The following ZDHHC21 variants were observed in gnomAD, a reference collection of about 807,000 sequenced individuals.
ZDHHC21 encodes the protein zDHHC palmitoyltransferase 21.
A neutral mutation model predicts 34.6 loss-of-function variants in ZDHHC21; 15 were observed. That is an observed-to-expected ratio of 0.43 (90% CI 0.29 to 0.67). The LOEUF is 0.67. Ranked by LOEUF, ZDHHC21 falls within the 30% of genes least tolerant of loss-of-function variation. The pLI, the probability that ZDHHC21 is intolerant of heterozygous loss-of-function variation, is 0.14. For synonymous variants in ZDHHC21, 142 were observed against 101.8 expected (o/e 1.40, Z -2.38); for missense variants, 344 against 327.7 (o/e 1.05, Z -0.38).
intron 5 of ZDHHC21, among the ~76,000 whole-genome samples, chr9:14,666,736 C>T (rs1011689580): frequency 1.2e-5 from 1 of 80,332 alleles, no homozygotes; most frequent in African/African-American, 4.2e-5. Context: ...GAACAACCTG[C>T]TCCTGAATGA....
At position 14,662,301 on chromosome 9, in the gene ZDHHC21, G is replaced by C; in HGVS notation, c.279C>G (p.Asn93Lys). The C allele has an allele frequency of 6.2e-7, 1 of 1,610,570 alleles. No homozygotes were observed. Among genetic ancestry groups the C allele is most frequent in the Non-Finnish European group, 8.5e-7 (1 of 1,178,770 alleles). Residue 93 changes from asparagine to lysine, a missense_variant, in exon 6 of 10, where the codon AAC becomes AAG. Coordinates refer to ENST00000380916, the MANE Select transcript of ZDHHC21 (RefSeq NM_178566.6). ...GCTTTGGTCTCATCAAATTACACTT[G>C]TTACATAATTCCCAGAACTCCCTTT... Reference protein sequence around the residue: ...HGEREFWELCNKCNLMRPKRS... With the variant: ...HGEREFWELCKKCNLMRPKRS...
chr9:14,591,625 C>G, the ZDHHC21 span, among the ~76,000 whole-genome samples: 1 of 152,154 alleles, frequency 6.6e-6, no homozygotes, highest in African/African-American at 2.4e-5. Context: ...GTCAGCAGTT[C>G]TAAAACTGGT....
intron 5 of ZDHHC21, among the ~76,000 whole-genome samples, chr9:14,667,347 G>A (rs1272984400): frequency 6.6e-6 from 1 of 151,040 alleles, no homozygotes; most frequent in African/African-American, 2.4e-5. Context: ...CTGAAATTGT[G>A]GCAATAATCA....
chr9:14,593,924 G>C, the ZDHHC21 span: 1 of 152,350 alleles, frequency 6.6e-6, no homozygotes, highest in South Asian at 2.1e-4. Flanking sequence ...ACTGGGAGCA[G>C]GAGGGGATGT....
intron 2 of ZDHHC21, among the ~76,000 whole-genome samples, chr9:14,681,250 G>A (rs1587443858): frequency 1.3e-4 from 19 of 151,814 alleles, no homozygotes; most frequent in Admixed American, 1.1e-3. Flanking sequence ...TTTCAGACTC[G>A]GTCTCACTAT....
At chr9:14,651,256 G>A (rs1049907817) in intron 7 of ZDHHC21, among the ~76,000 whole-genome samples, 2 of 151,764 alleles carry the variant, frequency 1.3e-5, no homozygotes, top group Non-Finnish European at 2.9e-5. Flanking sequence ...GGTTCACTGA[G>A]CTTTCTCTGA....
Position 14,622,013 on chromosome 9 carries a change from T to G in ZDHHC21, c.622-2331A>C, listed in dbSNP as rs183451894. Among the ~76,000 whole-genome samples the G allele has an allele frequency of 5.0e-3, 755 of 152,164 alleles. 2 individuals carry two copies. Among genetic ancestry groups the G allele is most frequent in the African/African-American group, 0.017 (711 of 41,536 alleles). On this transcript the variant is annotated intron_variant, in intron 8 of 9. Coordinates refer to ENST00000380916, the MANE Select transcript of ZDHHC21 (RefSeq NM_178566.6). The stretch of plus-strand genomic sequence containing the variant: ...AAGGAGTTTAAATACAAAATATAAG[T>G]CCTCAGTTATATGTAAAACTCAGCT...
chr9:14,610,268 T>C (rs1823160341), downstream of ZDHHC21, among the ~76,000 whole-genome samples: 1 of 151,920 alleles, frequency 6.6e-6, no homozygotes, highest in Non-Finnish European at 1.5e-5. Flanking sequence ...TGTTGTAACT[T>C]ATCATCACTA....
At chr9:14,690,515 G>C in intron 1 of ZDHHC21, 130 bp from the exon 2 acceptor site, 1 of 373,110 alleles carries the variant, frequency 2.7e-6, no homozygotes. Flanking sequence ...CTGCCCTTTT[G>C]TAGAAGGGGC....
At chr9:14,640,068 G>T in intron 7 of ZDHHC21, 56 bp from the exon 8 acceptor site, 1 of 906,550 alleles carries the variant, frequency 1.1e-6, no homozygotes, top group Non-Finnish European at 1.7e-6. Flanking sequence ...ATTGCTTACA[G>T]TCGCAATAAT....
chr9:14,654,898 G>A (rs1426408895), intron 7 of ZDHHC21, among the ~76,000 whole-genome samples: 2 of 151,922 alleles, frequency 1.3e-5, no homozygotes, highest in African/African-American at 2.4e-5. Flanking sequence ...CATGTAAGTA[G>A]AATCCCAGAA....
At chr9:14,605,448 T>A in the ZDHHC21 span, among the ~76,000 whole-genome samples, 1 of 152,188 alleles carries the variant, frequency 6.6e-6, no homozygotes, top group Non-Finnish European at 1.5e-5. Context: ...ATGTTGAGCA[T>A]CCCTTCACGT....
intron 8 of ZDHHC21, among the ~76,000 whole-genome samples, chr9:14,621,607 T>A (rs1468192832): frequency 9.2e-5 from 14 of 152,230 alleles, no homozygotes; most frequent in Admixed American, 8.5e-4. Flanking sequence ...TTTTTTTTCC[T>A]CTAGAAATGG....
intron 8 of ZDHHC21, among the ~76,000 whole-genome samples, chr9:14,625,286 T>C (rs1170980864): frequency 6.6e-6 from 1 of 152,074 alleles, no homozygotes; most frequent in East Asian, 1.9e-4. Flanking sequence ...TTTCCTCATT[T>C]GAAATGAATG....
chr9:14,687,865 G>A (rs1017035189), intron 2 of ZDHHC21, among the ~76,000 whole-genome samples: 1 of 150,602 alleles, frequency 6.6e-6, no homozygotes, highest in Admixed American at 6.6e-5. Context: ...TTTCCACAGT[G>A]CCAAGAGAAA....
At chr9:14,673,156 T>A (rs1835783619) in intron 4 of ZDHHC21, among the ~76,000 whole-genome samples, 2 of 152,066 alleles carry the variant, frequency 1.3e-5, no homozygotes, top group South Asian at 2.1e-4. Context: ...TTATTTTACA[T>A]GATAGTAACT....
Position 14,693,269 on chromosome 9 carries a change from A to G in ZDHHC21, c.-265T>C, listed in dbSNP as rs905348608. ...GCCTCTCGCTGCCGCCGCTCTCCCG[A>G]CCGCCAGCAGCTCTTTCCCCTCCTC... On this transcript the variant is annotated 5_prime_UTR_variant, in exon 1 of 10. Transcript: ENST00000380916. 14 of 416,376 alleles carry G rather than the reference A, an allele frequency of 3.4e-5. No homozygotes were observed. The highest frequency in any genetic ancestry group is 2.3e-4 in the South Asian group (14 of 60,680). 25.8% of individuals were successfully genotyped at this position (416,376 alleles called of 1,614,324 possible).
At chr9:14,674,143 T>C in intron 4 of ZDHHC21, 44 bp downstream of exon 4, 1 of 1,380,560 alleles carries the variant, frequency 7.2e-7, no homozygotes, top group Non-Finnish European at 9.6e-7. Context: ...ACGTTTACAA[T>C]GAGAAAAATA....
At chr9:14,638,063 C>CA (rs1237347454) in intron 8 of ZDHHC21, among the ~76,000 whole-genome samples, 1 of 151,796 alleles carries the variant, frequency 6.6e-6, no homozygotes, top group Admixed American at 6.6e-5. Flanking sequence ...CCCGAATAGT[C>CA]AAAAAAATCC....
Sources: gnomAD v4.1 joint callset for allele counts (sites outside exome capture counted in the v4.1 genomes callset) on GRCh38, gnomAD v4.1.1 for gene constraint, MANE v1.5 for transcripts, NCBI Gene and HGNC (gene_info 2026-07-23, HGNC 2026-07-21) for gene names.